SLC5A11: variants seen among roughly 807,000 people sequenced by gnomAD.
The protein encoded by SLC5A11 is sodium/myo-inositol cotransporter 2.
A neutral mutation model predicts 69.8 loss-of-function variants in SLC5A11; 48 were observed. That is an observed-to-expected ratio of 0.69 (90% CI 0.55 to 0.87). The LOEUF (loss-of-function observed/expected upper bound fraction) is 0.87. SLC5A11 is among the 40% of genes least tolerant of loss of function. SLC5A11 has a pLI of 0.00. For missense variants in SLC5A11, 784 were observed against 866.1 expected, an observed-to-expected ratio of 0.91 and a Z score of 1.19; for synonymous variants, 319 against 342.4, an observed-to-expected ratio of 0.93 and a Z score of 0.75.
intron 10 of SLC5A11, among the ~76,000 whole-genome samples, chr16:24,898,351 A>G (rs1389937494): frequency 6.6e-6 from 1 of 152,196 alleles, no homozygotes; most frequent in Non-Finnish European, 1.5e-5. Flanking sequence ...AGCTGGGGCT[A>G]CAGGTATGCA....
intron 8 of SLC5A11, among the ~76,000 whole-genome samples, chr16:24,890,483 C>CAAAAAA (rs1171814653): frequency 3.2e-4 from 25 of 77,510 alleles, no homozygotes; most frequent in African/African-American, 1.1e-3. Flanking sequence ...GACTTCATAT[C>CAAAAAA]AAAAAAAAAA....
At chr16:24,883,945 T>C (rs1406686778) in intron 7 of SLC5A11, 106 bp from the exon 9 acceptor site, 1 of 997,134 alleles carries the variant, frequency 1.0e-6, no homozygotes, top group East Asian at 2.4e-5. Context: ...CAGTCAGCAC[T>C]AAGAAATCTC....
At chr16:24,899,330 A>T (rs143281857) in intron 10 of SLC5A11, among the ~76,000 whole-genome samples, 8 of 152,152 alleles carry the variant, frequency 5.3e-5, no homozygotes, top group Non-Finnish European at 1.2e-4. Context: ...CTGAAGTCTC[A>T]TGTGAAAGTT....
chr16:24,867,872 C>T (rs1052279305), intron 3 of SLC5A11, among the ~76,000 whole-genome samples: 2 of 152,086 alleles, frequency 1.3e-5, no homozygotes, highest in Admixed American at 1.3e-4. Flanking sequence ...CACAGTGGCT[C>T]ACCCCTGTAA....
At chr16:24,879,530 A>T (rs561090880) in intron 7 of SLC5A11, among the ~76,000 whole-genome samples, 133 of 152,318 alleles carry the variant, frequency 8.7e-4, no homozygotes, top group Non-Finnish European at 1.7e-3. Context: ...TGAGGTCAGG[A>T]GTTCCAGAGC....
intron 8 of SLC5A11, among the ~76,000 whole-genome samples, chr16:24,889,379 G>A (rs2048616106): frequency 6.6e-6 from 1 of 151,892 alleles, no homozygotes; most frequent in Non-Finnish European, 1.5e-5. Flanking sequence ...CTACTCTGGA[G>A]GTTGAGGCAG....
chr16:24,875,762 A>T (rs368204589), intron 6 of SLC5A11, 31 bp downstream of exon 7: 1 of 1,553,718 alleles, frequency 6.4e-7, no homozygotes, highest in Non-Finnish European at 8.9e-7. Flanking sequence ...GGCCTCACCC[A>T]TGCAGCATGG....
rs552114015 is a variant in SLC5A11 at position 24,863,393 on chromosome 16, G to T, written c.207+721G>T. ...CAGTGGCCTAGCCCAGGGTTTTGTG[G>T]TTTTTCTTGCTGTTGTTTTTGTTTT... On this transcript the variant is annotated intron_variant, in intron 3 of 15. Transcript: ENST00000347898. Among the ~76,000 whole-genome samples the T allele has an allele frequency of 3.3e-5, 5 of 152,096 alleles. No homozygotes were observed. The South Asian group carries it at 1.0e-3, about 32-fold the overall frequency.
chr16:24,873,826 A>ATT (rs59598384), intron 5 of SLC5A11, among the ~76,000 whole-genome samples: 9,407 of 138,124 alleles, frequency 0.068, 452 homozygotes, highest in African/African-American at 0.12. Context: ...AACTGGAGTA[A>ATT]TTTTTTTTTT....
chr16:24,905,337 A>G lies in SLC5A11; in HGVS notation c.1007-1320A>G, dbSNP rs145411990. Among the ~76,000 whole-genome samples, 1,165 of 150,080 alleles carry G rather than the reference A, an allele frequency of 7.8e-3. 13 individuals carry two copies. The highest frequency in any genetic ancestry group is 0.014 in the Non-Finnish European group (933 of 67,636). ...ACGCCTATAATACCAGCTACAGGCTAGGAGGCTTAGGCAGGAGAATCGCTT... is the reference window on the plus strand; with the variant it reads ...ACGCCTATAATACCAGCTACAGGCTGGGAGGCTTAGGCAGGAGAATCGCTT... On this transcript the variant is annotated intron_variant, in intron 10 of 15. Transcript: ENST00000347898.
At chr16:24,896,999 C>T (rs2049226201) in intron 9 of SLC5A11, among the ~76,000 whole-genome samples, 1 of 130,030 alleles carries the variant, frequency 7.7e-6, no homozygotes, top group South Asian at 2.6e-4. Context: ...ATCGCCCAGG[C>T]TGAAGTGCAG....
intron 4 of SLC5A11, among the ~76,000 whole-genome samples, chr16:24,870,554 C>T (rs2152299109): frequency 6.7e-6 from 1 of 149,772 alleles, no homozygotes; most frequent in South Asian, 2.1e-4. Context: ...CCAAGGTGGG[C>T]GGATCTTTTG....
At chr16:24,854,144 G>T (rs933400604) in intron 1 of SLC5A11, among the ~76,000 whole-genome samples, 3 of 152,198 alleles carry the variant, frequency 2.0e-5, no homozygotes, top group African/African-American at 7.2e-5. Context: ...TGGAAGGGGC[G>T]GGCAGGGACA....
chr16:24,872,363 A>C lies in SLC5A11; in HGVS notation c.372+144A>C, dbSNP rs2047361694. ...CCACTCAGAGGCCCCAGTAAAGGGG[A>C]GGGATGATCCACAGGTGAGACAATG... On this transcript the variant is annotated intron_variant, in intron 5 of 15. Coordinates refer to ENST00000347898, the Ensembl canonical transcript of SLC5A11. 5 of 932,538 alleles carry C rather than the reference A, an allele frequency of 5.4e-6. No homozygotes were observed. In the South Asian group the frequency reaches 7.2e-5, roughly 13 times the overall value. The allele number at this position is 932,538 out of a possible 1,614,324, so 57.8% of individuals were successfully genotyped here.
intron 4 of SLC5A11, among the ~76,000 whole-genome samples, chr16:24,870,895 G>A (rs1489895363): frequency 3.3e-5 from 5 of 151,478 alleles, no homozygotes; most frequent in African/African-American, 4.9e-5. Flanking sequence ...TACTTTAGAC[G>A]TCAATCGGCC....
At chr16:24,876,056 C>T (rs1162107665) in intron 6 of SLC5A11, among the ~76,000 whole-genome samples, 2 of 151,886 alleles carry the variant, frequency 1.3e-5, no homozygotes, top group Non-Finnish European at 2.9e-5. Flanking sequence ...ATTAGCCAGG[C>T]GTGGTGGCTG....
At chr16:24,847,146 TTTC>T (rs2059053244) in intron 1 of SLC5A11, among the ~76,000 whole-genome samples, 1 of 152,118 alleles carries the variant, frequency 6.6e-6, no homozygotes, top group Non-Finnish European at 1.5e-5. Context: ...TTTCTTTCTT[TTTC>T]TTTCTTTTCC....
intron 8 of SLC5A11, among the ~76,000 whole-genome samples, chr16:24,889,184 A>G (rs951330491): frequency 1.3e-5 from 2 of 152,190 alleles, no homozygotes; most frequent in African/African-American, 4.8e-5. Context: ...TAAGAATGAG[A>G]AAAGAAACAA....
chr16:24,894,938 C>T (rs186155806), intron 9 of SLC5A11, among the ~76,000 whole-genome samples: 4 of 152,038 alleles, frequency 2.6e-5, no homozygotes, highest in Non-Finnish European at 4.4e-5. Context: ...GGTAACATAG[C>T]GAGACCTCAT....
Sources: gnomAD v4.1 joint callset for allele counts (sites outside exome capture counted in the v4.1 genomes callset) on GRCh38, gnomAD v4.1.1 for gene constraint, MANE v1.5 for transcripts, NCBI Gene and HGNC (gene_info 2026-07-23, HGNC 2026-07-21) for gene names.